Variants in PRDM2 observed in about 807,000 individuals in gnomAD.
PRDM2 encodes PR domain zinc finger protein 2.
In PRDM2, 30 loss-of-function variants were observed where a neutral mutation model predicts 130.0. The ratio of observed to expected loss-of-function variants is 0.23; its 90% CI spans 0.17 to 0.31. The LOEUF is 0.31. Ranked by LOEUF, PRDM2 falls within the 10% of genes least tolerant of loss-of-function variation. The pLI, the probability that PRDM2 is intolerant of heterozygous loss-of-function variation, is 1.00. For missense variants in PRDM2, 2,011 were observed against 2,108.4 expected, an observed-to-expected ratio of 0.95 and a Z score of 0.90; for synonymous variants, 871 against 782.4, an observed-to-expected ratio of 1.11 and a Z score of -1.89.
chr1:13,781,146 G>A lies in PRDM2; in HGVS notation c.3351G>A (p.Gln1117=), dbSNP rs769353810. 6.2e-7 allele frequency: 1 copy of A among 1,614,198 alleles called. No homozygotes were observed. Among genetic ancestry groups the A allele is most frequent in the South Asian group, 1.1e-5 (1 of 91,084 alleles). ...NEGLKPREEP[Q]SAAEQDVVVQ... ...GTCTGAAACCCAGGGAAGAGCCCCA[G>A]TCTGCTGCTGAACAGGATGTTGTTG... The change falls in exon 8 of 10, where the codon CAG becomes CAA. Residue 1117 remains glutamine, a synonymous_variant. Coordinates refer to ENST00000311066, the MANE Select transcript of PRDM2 (RefSeq NM_001393986.1). The surrounding 1 kb of genome is among the most constrained non-coding windows in gnomAD (Gnocchi z 6.1).
chr1:13,785,054 A>T lies in PRDM2; in HGVS notation c.5036+2223A>T, dbSNP rs548183022. ...GTAGTGAGTTTAGCACAAAACTGGG[A>T]TTCCTAAACTTAGACCTGGGTAATA... On this transcript the variant is annotated intron_variant, in intron 8 of 9. Coordinates refer to ENST00000311066, the MANE Select transcript of PRDM2 (RefSeq NM_001393986.1). Among the ~76,000 whole-genome samples, 3 of 152,354 alleles carry T rather than the reference A, an allele frequency of 2.0e-5. No individual in the cohort carries two copies. In the South Asian group the frequency reaches 6.2e-4, roughly 32 times the overall value.
At chr1:13,783,481 GACCCTTGC>G (rs1248288728) in intron 8 of PRDM2, among the ~76,000 whole-genome samples, 5 of 152,206 alleles carry the variant, frequency 3.3e-5, no homozygotes, top group Non-Finnish European at 7.4e-5. Flanking sequence ...CTCCAGGCAG[GACCCTTGC>G]AGCTCTTTCA....
At chr1:13,718,862 T>C (rs1473443000) in intron 2 of PRDM2, among the ~76,000 whole-genome samples, 1 of 152,126 alleles carries the variant, frequency 6.6e-6, no homozygotes, top group Non-Finnish European at 1.5e-5. Flanking sequence ...CTGTTTTCCT[T>C]CTTATTTTCC....
At chr1:13,798,308 T>C (rs964096592) in intron 8 of PRDM2, among the ~76,000 whole-genome samples, 2 of 152,214 alleles carry the variant, frequency 1.3e-5, no homozygotes, top group East Asian at 3.8e-4. Context: ...GTTGGGGCAA[T>C]TAACTGCTGG....
chr1:13,782,385 G>T lies in PRDM2; in HGVS notation c.4590G>T (p.Pro1530=), dbSNP rs372617750. ...TTAAAATGCAAAGCATGCAGACTCC[G>T]TTGGGCAAGACCAGAGCCCGCAGCT... The part of the protein sequence containing the change: ...AEIKMQSMQT[P]LGKTRARSSG... Residue 1530 remains proline (P), a synonymous_variant, in exon 8 of 10, where the codon CCG becomes CCT. Coordinates refer to ENST00000311066, the MANE Select transcript of PRDM2 (RefSeq NM_001393986.1). The T allele has an allele frequency of 6.2e-7, 1 of 1,613,758 alleles. No homozygotes were observed. Among genetic ancestry groups the T allele is most frequent in the Admixed American group, 1.7e-5 (1 of 59,966 alleles).
Position 13,767,060 on chromosome 1 carries a change from A to G in PRDM2, c.512-6018A>G, listed in dbSNP as rs118124870. Among the ~76,000 whole-genome samples, 326 of 152,310 alleles carry G rather than the reference A, an allele frequency of 2.1e-3. 7 individuals are homozygous for G. In the South Asian group the frequency reaches 0.047, roughly 22 times the overall value. On this transcript the variant is annotated intron_variant, in intron 6 of 9. Coordinates refer to ENST00000311066, the MANE Select transcript of PRDM2 (RefSeq NM_001393986.1). ...TTTTGTAACTCATATCCCAGGCATCAGTGGTATAATGCTATACATAGTCTT... is the reference window on the plus strand; with the variant it reads ...TTTTGTAACTCATATCCCAGGCATCGGTGGTATAATGCTATACATAGTCTT...
intron 8 of PRDM2, chr1:13,786,906 A>G (rs1189742508): frequency 2.0e-6 from 2 of 1,018,524 alleles, no homozygotes; most frequent in African/African-American, 1.7e-5. Flanking sequence ...CTGTTTTAGC[A>G]GTAGTTTGTT....
At chr1:13,756,632 A>T (rs1310347672) in intron 6 of PRDM2, among the ~76,000 whole-genome samples, 2 of 152,248 alleles carry the variant, frequency 1.3e-5, no homozygotes, top group Non-Finnish European at 2.9e-5. Flanking sequence ...TGCCACCCAG[A>T]TTAAACCAGT....
chr1:13,720,161 A>G (rs752621909), intron 2 of PRDM2, among the ~76,000 whole-genome samples: 1 of 152,230 alleles, frequency 6.6e-6, no homozygotes, highest in Non-Finnish European at 1.5e-5. Context: ...AGTTACTTAT[A>G]TAAATTTAAA....
chr1:13,728,270 T>C (rs1642990123), intron 2 of PRDM2, among the ~76,000 whole-genome samples: 1 of 152,224 alleles, frequency 6.6e-6, no homozygotes, highest in African/African-American at 2.4e-5. Flanking sequence ...ACACCATCTG[T>C]CTTCACTGCA....
Position 13,771,374 on chromosome 1 carries a change from A to G in PRDM2, c.512-1704A>G, listed in dbSNP as rs1366178865. Among the ~76,000 whole-genome samples the G allele has an allele frequency of 6.6e-6, 1 of 152,174 alleles. No homozygotes were observed. The highest frequency in any genetic ancestry group is 1.5e-5 in the Non-Finnish European group (1 of 68,038). ...TGAATGGATAGACAGGCTATCAGGA[A>G]TTTATTTGCTCAAACCCTGATAAAC... is the stretch of plus-strand genomic sequence containing the variant. On this transcript the variant is annotated intron_variant, in intron 6 of 9. Transcript: ENST00000311066. The surrounding 1 kb of genome is among the most constrained non-coding windows in gnomAD (Gnocchi z 4.1).
At chr1:13,785,366 T>C (rs955551323) in intron 8 of PRDM2, among the ~76,000 whole-genome samples, 4 of 152,250 alleles carry the variant, frequency 2.6e-5, no homozygotes, top group Non-Finnish European at 5.9e-5. Context: ...ATCCTTGTCC[T>C]GTGTTATTTC....
chr1:13,787,257 C>T, intron 8 of PRDM2: 1 of 983,512 alleles, frequency 1.0e-6, no homozygotes, highest in Non-Finnish European at 1.2e-6. Flanking sequence ...TATCAGTGCA[C>T]AGGCGCATCC....
intron 8 of PRDM2, chr1:13,786,739 C>A: frequency 7.1e-7 from 1 of 1,403,058 alleles, no homozygotes; most frequent in Non-Finnish European, 9.3e-7. Context: ...GCTGGGCGCC[C>A]GGGTGATTGA....
intron 8 of PRDM2, among the ~76,000 whole-genome samples, chr1:13,796,668 T>A (rs1448841412): frequency 1.3e-5 from 2 of 152,094 alleles, no homozygotes; most frequent in Non-Finnish European, 2.9e-5. Context: ...GGGAGGATTG[T>A]TTAAGCCCAG....
intron 4 of PRDM2, among the ~76,000 whole-genome samples, chr1:13,734,248 C>T (rs1463561931): frequency 6.6e-6 from 1 of 152,122 alleles, no homozygotes; most frequent in Non-Finnish European, 1.5e-5. Flanking sequence ...AAAGATAATG[C>T]CTGCATGATT....
At chr1:13,755,280 A>G (rs6685755) in intron 6 of PRDM2, among the ~76,000 whole-genome samples, 2 of 152,104 alleles carry the variant, frequency 1.3e-5, no homozygotes, top group Non-Finnish European at 2.9e-5. Context: ...GCATTTTGCA[A>G]ATTTTTTAGC....
intron 8 of PRDM2, among the ~76,000 whole-genome samples, chr1:13,796,580 A>AC (rs1271141057): frequency 2.6e-5 from 4 of 151,974 alleles, no homozygotes; most frequent in African/African-American, 9.7e-5. Flanking sequence ...ACATAGTGAG[A>AC]CCCCATCTCT....
At chr1:13,818,651 C>T (rs1430301408) in intron 9 of PRDM2, among the ~76,000 whole-genome samples, 6 of 151,914 alleles carry the variant, frequency 3.9e-5, no homozygotes, top group Non-Finnish European at 7.4e-5. Flanking sequence ...TCCCAAAGTG[C>T]TGGGATTACA....
Sources: allele counts gnomAD v4.1 joint callset (sites outside exome capture counted in the v4.1 genomes callset), GRCh38; gene constraint gnomAD v4.1.1; non-coding constraint Gnocchi (gnomAD v3.1); transcripts MANE v1.5; gene names NCBI Gene and HGNC (gene_info 2026-07-23, HGNC 2026-07-21).